Variants in FGL1 observed in about 807,000 individuals in gnomAD.
The protein encoded by FGL1 is fibrinogen like 1, also known as fibrinogen-like protein 1.
FGL1 carries 59 observed loss-of-function variants against 43.7 expected under a neutral mutation model. The ratio of observed to expected loss-of-function variants is 1.35; its 90% CI spans 1.10 to 1.68. The LOEUF is 1.68. FGL1 is among the 40% of genes most tolerant of loss of function. The probability of loss-of-function intolerance (pLI) is 0.00; values close to 1 mark genes in which losing one functional copy is unlikely to be tolerated. For synonymous variants in FGL1, 192 were observed against 126.5 expected (o/e 1.52, Z -3.48); for missense variants, 596 against 373.0 (o/e 1.60, Z -4.92).
rs752954037 is a variant in FGL1, at chr8:17,868,731, A to C, written c.596T>G (p.Phe199Cys). Residue 199 changes from phenylalanine (F) to cysteine (C), a missense_variant, in exon 7 of 8, where the codon TTC (phenylalanine) becomes TGC (cysteine). Coordinates refer to ENST00000427924, the MANE Select transcript of FGL1 (RefSeq NM_004467.4). Reference sequence around the variant, plus strand: ...ATATTCCCCAATATTCAACTCGTAGAAATTCTAAAGAAAAAGGGCATTTCT... The same window carrying C: ...ATATTCCCCAATATTCAACTCGTAGCAATTCTAAAGAAAAAGGGCATTTCT... ...KNFKVGDEKN[F>C]YELNIGEYSG... 2 of 1,608,890 alleles carry C rather than the reference A, an allele frequency of 1.2e-6. No homozygotes were observed. Among genetic ancestry groups the C allele is most frequent in the Non-Finnish European group, 8.5e-7 (1 of 1,177,732 alleles).
chr8:17,886,865 C>T (rs1449997474), intron 1 of FGL1, among the ~76,000 whole-genome samples: 1 of 151,930 alleles, frequency 6.6e-6, no homozygotes, highest in African/African-American at 2.4e-5. Context: ...CCATGAGAAG[C>T]GAGAGAAGTC....
chr8:17,875,357 A>T (rs997566403), intron 3 of FGL1, among the ~76,000 whole-genome samples: 1 of 152,150 alleles, frequency 6.6e-6, no homozygotes, highest in African/African-American at 2.4e-5. Flanking sequence ...ATACATTCTT[A>T]GATGTTTTTG....
At chr8:17,887,128 A>T (rs2053639950) in intron 1 of FGL1, among the ~76,000 whole-genome samples, 1 of 152,092 alleles carries the variant, frequency 6.6e-6, no homozygotes, top group African/African-American at 2.4e-5. Flanking sequence ...AGGCTTTCCC[A>T]GGCTTCTTCT....
At chr8:17,870,337 G>C (rs971618363) in intron 5 of FGL1, among the ~76,000 whole-genome samples, 11 of 151,974 alleles carry the variant, frequency 7.2e-5, no homozygotes, top group African/African-American at 2.7e-4. Context: ...AAATAACAAA[G>C]ACTATTCCTT....
At chr8:17,889,469 G>A (rs1017021028) in intron 1 of FGL1, among the ~76,000 whole-genome samples, 6 of 152,172 alleles carry the variant, frequency 3.9e-5, no homozygotes, top group African/African-American at 1.4e-4. Context: ...AGAATCACTT[G>A]AACCTGGGAG....
intron 7 of FGL1, among the ~76,000 whole-genome samples, chr8:17,866,292 T>A (rs1393845112): frequency 1.3e-5 from 2 of 152,202 alleles, no homozygotes; most frequent in African/African-American, 4.8e-5. Flanking sequence ...AACACTCACG[T>A]GAAATGCTAC....
At chr8:17,891,715 TATTGTA>T in intron 1 of FGL1, 1 of 985,132 alleles carries the variant, frequency 1.0e-6, no homozygotes, top group Non-Finnish European at 1.2e-6. Context: ...CAGGATCTGT[TATTGTA>T]ATTTCACAGT....
At position 17,868,719 on chromosome 8, in the gene FGL1, T is replaced by C. The variant is rs1369973422; in HGVS notation, c.608A>G (p.Asn203Ser). The change falls in exon 7 of 8, where the codon AAT (asparagine) becomes AGT (serine). Residue 203 changes from asparagine to serine, a missense_variant. Transcript: ENST00000427924. ...AGCTGTTCCAGAATATTCCCCAATA[T>C]TCAACTCGTAGAAATTCTAAAGAAA... The part of the protein sequence containing the change: ...VGDEKNFYEL[N>S]IGEYSGTAGD... 5.6e-6 allele frequency: 9 copies of C among 1,611,364 alleles called. No individual in the cohort carries two copies. In the Admixed American group the frequency reaches 1.0e-4, roughly 18 times the overall value.
chr8:17,892,947 C>G (rs963926693), intron 1 of FGL1, among the ~76,000 whole-genome samples: 1 of 152,164 alleles, frequency 6.6e-6, no homozygotes, highest in Non-Finnish European at 1.5e-5. Context: ...TGCCTGTAAT[C>G]CCAGCACGTT....
chr8:17,880,517 T>G (rs1289558359), intron 3 of FGL1, among the ~76,000 whole-genome samples: 1 of 152,226 alleles, frequency 6.6e-6, no homozygotes, highest in Non-Finnish European at 1.5e-5. Context: ...TTTGCTTATC[T>G]TGCTATTCCT....
chr8:17,870,030 A>G (rs1195572927), intron 5 of FGL1, among the ~76,000 whole-genome samples: 1 of 152,176 alleles, frequency 6.6e-6, no homozygotes, highest in Non-Finnish European at 1.5e-5. Flanking sequence ...GAATGGCGTG[A>G]ACCCAGAAGG....
At chr8:17,875,854 G>A (rs1196112740) in intron 3 of FGL1, among the ~76,000 whole-genome samples, 1 of 151,950 alleles carries the variant, frequency 6.6e-6, no homozygotes, top group African/African-American at 2.4e-5. Flanking sequence ...CCATCCGCCC[G>A]CCTCGGCCTC....
intron 5 of FGL1, among the ~76,000 whole-genome samples, chr8:17,871,416 C>A (rs557753420): frequency 2.7e-5 from 4 of 150,918 alleles, no homozygotes; most frequent in Non-Finnish European, 5.9e-5. Context: ...ATTGCTTGAG[C>A]CAAGAGTCAG....
At chr8:17,869,556 T>C (rs2053324811) in intron 5 of FGL1, among the ~76,000 whole-genome samples, 1 of 152,124 alleles carries the variant, frequency 6.6e-6, no homozygotes, top group Non-Finnish European at 1.5e-5. Context: ...GAGGAAGAAA[T>C]ATGAATCCTA....
chr8:17,895,177 T>A lies in FGL1; in HGVS notation c.-18+270A>T, dbSNP rs35616256. 1.2e-3 allele frequency: 601 copies of A among 487,826 alleles called. 2 individuals carry two copies. The highest frequency in any genetic ancestry group is 0.011 in the African/African-American group (535 of 47,438). 30.2% of individuals were successfully genotyped at this position (487,826 alleles called of 1,614,324 possible). ...TTTAGAATAATTCCTGAGAATATCT[T>A]AAGTTCTCTAAAATTTTCCATTTTC... is the stretch of plus-strand genomic sequence containing the variant. On this transcript the variant is annotated intron_variant, in intron 1 of 7. Transcript: ENST00000427924.
chr8:17,872,700 G>C (rs566243962), intron 5 of FGL1, among the ~76,000 whole-genome samples: 15 of 152,282 alleles, frequency 9.9e-5, no homozygotes, highest in African/African-American at 3.6e-4. Flanking sequence ...GAGTGGGACT[G>C]ATGATAATCT....
intron 3 of FGL1, among the ~76,000 whole-genome samples, chr8:17,879,680 T>A (rs1293068798): frequency 6.6e-6 from 1 of 151,716 alleles, no homozygotes; most frequent in African/African-American, 2.4e-5. Flanking sequence ...CAGAAGCAGA[T>A]GCTGCTATGC....
Position 17,882,008 on chromosome 8 carries a change from G to C in FGL1, c.235C>G (p.Gln79Glu). The C allele has an allele frequency of 1.2e-6, 2 of 1,613,672 alleles. No homozygotes were observed. Among genetic ancestry groups the C allele is most frequent in the Non-Finnish European group, 8.5e-7 (1 of 1,179,778 alleles). ...NTVIDLGSKR[Q>E]YADCSEIFND... ...AAAAGTCCATTCTGACCTGCATACT[G>C]CCTCTTGCTTCCAAGATCAATGACA... Residue 79 changes from glutamine (Q) to glutamate (E), a missense_variant, in exon 3 of 8, where the codon CAG (glutamine) becomes GAG (glutamate). Gln to Glu is a conservative substitution (Grantham distance 29). Transcript: ENST00000427924.
rs369133685 is a variant in FGL1, at chr8:17,874,430, A to C, written c.336T>G (p.Cys112Trp). Residue 112 changes from cysteine (C) to tryptophan (W), a missense_variant, in exon 4 of 8, where the codon TGT becomes TGG. Transcript: ENST00000427924. ...LQSPAEFSVY[C>W]DMSDGGGWTV... ...TCCATCCTCCTCCATCGGACATGTC[A>C]CAATAAACAGAAAATTCTGCTGGGC... The C allele has an allele frequency of 1.2e-6, 2 of 1,614,062 alleles. No individual in the cohort carries two copies. Among genetic ancestry groups the C allele is most frequent in the African/African-American group, 2.7e-5 (2 of 74,954 alleles).
Sources: allele counts gnomAD v4.1 joint callset (sites outside exome capture counted in the v4.1 genomes callset), GRCh38; gene constraint gnomAD v4.1.1; transcripts MANE v1.5; gene names NCBI Gene and HGNC (gene_info 2026-07-23, HGNC 2026-07-21).